The following ME3 variants were observed in gnomAD, a reference collection of about 807,000 sequenced individuals.
The protein encoded by ME3 is malic enzyme 3.
In ME3, 48 loss-of-function variants were observed where a neutral mutation model predicts 68.9. That is an observed-to-expected ratio of 0.70 (90% CI 0.55 to 0.89). The LOEUF is 0.89. Ranked by LOEUF, ME3 falls within the 40% of genes least tolerant of loss-of-function variation. The probability of loss-of-function intolerance (pLI) is 0.00; values close to 1 mark genes in which losing one functional copy is unlikely to be tolerated. For synonymous variants in ME3, 320 were observed against 318.8 expected, an observed-to-expected ratio of 1.00 and a Z score of -0.04; for missense variants, 675 against 797.4, an observed-to-expected ratio of 0.85 and a Z score of 1.85.
chr11:86,652,655 G>C (rs1348206964), intron 2 of ME3, among the ~76,000 whole-genome samples: 2 of 151,588 alleles, frequency 1.3e-5, no homozygotes, highest in Non-Finnish European at 3.0e-5. Context: ...AAAGTGTAAA[G>C]ACCATCCACG....
At chr11:86,559,553 G>C in intron 3 of ME3, 137 bp downstream of exon 3, 1 of 1,046,248 alleles carries the variant, frequency 9.6e-7, no homozygotes, top group Non-Finnish European at 1.4e-6. Flanking sequence ...CCTTTAGAAG[G>C]TAGGGCTGAG....
intron 2 of ME3, among the ~76,000 whole-genome samples, chr11:86,608,234 T>C (rs1004421887): frequency 3.3e-5 from 5 of 152,176 alleles, no homozygotes; most frequent in Non-Finnish European, 7.3e-5. Context: ...ATGTTATTCC[T>C]GTTTCTTGCA....
chr11:86,652,403 A>T (rs1482956958), intron 2 of ME3, among the ~76,000 whole-genome samples: 1 of 152,250 alleles, frequency 6.6e-6, no homozygotes, highest in Non-Finnish European at 1.5e-5. Context: ...CTCTCTGCAG[A>T]AACTCTACAA....
At chr11:86,556,702 C>T (rs1265318635) in exon 4 of ME3, 2 of 1,613,798 alleles carry the variant, frequency 1.2e-6, no homozygotes, top group Admixed American at 3.3e-5. Flanking sequence ...GAATGATGTA[C>T]CTTGTAAAAG....
At chr11:86,486,630 G>C (rs572274812) in intron 7 of ME3, among the ~76,000 whole-genome samples, 1 of 152,366 alleles carries the variant, frequency 6.6e-6, no homozygotes, top group African/African-American at 2.4e-5. Flanking sequence ...AGGGGAACAT[G>C]CTTTGTCTTC....
intron 2 of ME3, among the ~76,000 whole-genome samples, chr11:86,641,046 G>C (rs1352831093): frequency 2.2e-5 from 3 of 134,384 alleles, no homozygotes; most frequent in Non-Finnish European, 3.3e-5. Context: ...TGGGGGGGGG[G>C]GTCAATGAAG....
At chr11:86,534,083 A>G (rs12279297) in intron 4 of ME3, among the ~76,000 whole-genome samples, 210 of 1,338 alleles carry the variant, frequency 0.16, 1 homozygote, top group East Asian at 0.38. Context: ...GTGTGTGTGT[A>G]TATATATATA....
intron 2 of ME3, among the ~76,000 whole-genome samples, chr11:86,592,047 C>T (rs1017075152): frequency 3.9e-5 from 6 of 152,196 alleles, no homozygotes; most frequent in African/African-American, 1.2e-4. Context: ...GAAAATCTCA[C>T]GTGAAGTCCA....
intron 8 of ME3, chr11:86,462,727 T>A: frequency 8.9e-6 from 5 of 563,352 alleles, no homozygotes; most frequent in Non-Finnish European, 1.5e-5. Context: ...AGAAGCTTAT[T>A]ATCTTCTGGG....
intron 7 of ME3, among the ~76,000 whole-genome samples, chr11:86,478,538 C>G (rs1266355832): frequency 5.3e-5 from 8 of 152,136 alleles, no homozygotes; most frequent in African/African-American, 1.4e-4. Context: ...GGTTCTGCCT[C>G]TAATCTCTTC....
At chr11:86,553,834 C>G (rs958629706) in intron 4 of ME3, among the ~76,000 whole-genome samples, 2 of 152,160 alleles carry the variant, frequency 1.3e-5, no homozygotes, top group African/African-American at 2.4e-5. Flanking sequence ...GGAGCTGCAA[C>G]GACATCCCAC....
chr11:86,595,095 T>G (rs1013574381), intron 2 of ME3, among the ~76,000 whole-genome samples: 1 of 144,594 alleles, frequency 6.9e-6, no homozygotes, highest in Non-Finnish European at 1.5e-5. Flanking sequence ...ATAGAGGCCT[T>G]TAGAGGATGT....
At chr11:86,671,330 C>T (rs1463097320) in intron 2 of ME3, among the ~76,000 whole-genome samples, 1 of 152,200 alleles carries the variant, frequency 6.6e-6, no homozygotes, top group African/African-American at 2.4e-5. Context: ...ACTGTTCTAA[C>T]GTACCCCCAT....
chr11:86,465,563 C>T (rs770243268), intron 7 of ME3, among the ~76,000 whole-genome samples: 1 of 152,044 alleles, frequency 6.6e-6, no homozygotes, highest in African/African-American at 2.4e-5. Context: ...ATCTGAGATC[C>T]CAGAAGAAAG....
intron 2 of ME3, among the ~76,000 whole-genome samples, chr11:86,575,803 G>A (rs980503858): frequency 6.6e-6 from 1 of 152,194 alleles, no homozygotes; most frequent in African/African-American, 2.4e-5. Flanking sequence ...TACAATGCTA[G>A]TACATAGGTA....
chr11:86,490,222 T>A (rs1436358592), intron 6 of ME3, among the ~76,000 whole-genome samples: 1 of 152,184 alleles, frequency 6.6e-6, no homozygotes, highest in Non-Finnish European at 1.5e-5. Context: ...ACACGTAAGA[T>A]CTGAGCTGGG....
intron 8 of ME3, chr11:86,462,621 A>G (rs1950277079): frequency 1.3e-5 from 17 of 1,286,536 alleles, no homozygotes; most frequent in Non-Finnish European, 1.7e-5. Context: ...GACATCATTC[A>G]TATATTCTTT....
chr11:86,636,350 T>C (rs1286581108), intron 2 of ME3, among the ~76,000 whole-genome samples: 1 of 151,998 alleles, frequency 6.6e-6, no homozygotes, highest in East Asian at 1.9e-4. Flanking sequence ...TAAAATGAGA[T>C]AATGTCTGTG....
intron 6 of ME3, among the ~76,000 whole-genome samples, chr11:86,493,827 T>C (rs567237136): frequency 2.0e-4 from 31 of 152,280 alleles, no homozygotes; most frequent in African/African-American, 7.5e-4. Flanking sequence ...TCTTTGACTG[T>C]GATTAAAGCT....
Sources: gnomAD v4.1 joint callset for allele counts (sites outside exome capture counted in the v4.1 genomes callset) on GRCh38, gnomAD v4.1.1 for gene constraint, MANE v1.5 for transcripts, NCBI Gene and HGNC (gene_info 2026-07-23, HGNC 2026-07-21) for gene names.